The following IKBKB variants were observed in gnomAD, a reference collection of about 807,000 sequenced individuals.
IKBKB encodes the protein inhibitor of nuclear factor kappa-B kinase subunit beta.
Under a neutral mutation model 113.6 loss-of-function variants are expected in IKBKB, and 42 were observed. The observed-to-expected ratio is 0.37, with a 90% confidence interval of 0.29 to 0.48. The LOEUF (loss-of-function observed/expected upper bound fraction) is 0.48. IKBKB is among the 20% of genes least tolerant of loss of function. The probability of loss-of-function intolerance (pLI) is 0.99; values close to 1 mark genes in which losing one functional copy is unlikely to be tolerated. For missense variants in IKBKB, 673 were observed against 939.7 expected (o/e 0.72, Z 3.71); for synonymous variants, 296 against 361.3 (o/e 0.82, Z 2.05).
chr8:42,319,614 GA>G lies in IKBKB; in HGVS notation c.1549del (p.Met517TrpfsTer14). ...AGATAAACTGCTGCTGGCCTGGAGG[GA>G]AATGGAGCAGGCTGTGGAGCTCTGT... ...TSDKLLLAWR[E>X]MEQAVELCGR... On this transcript the variant is annotated frameshift_variant, in exon 15 of 22. Transcript: ENST00000520810. LOFTEE classifies it high-confidence loss of function. 6.3e-7 allele frequency: 1 copy of G among 1,596,212 alleles called. No homozygotes were observed. Among genetic ancestry groups the G allele is most frequent in the Admixed American group, 1.8e-5 (1 of 55,472 alleles).
chr8:42,294,248 G>A (rs1224920950), intron 5 of IKBKB, among the ~76,000 whole-genome samples: 1 of 152,202 alleles, frequency 6.6e-6, no homozygotes, highest in Non-Finnish European at 1.5e-5. Context: ...TTGACTCTTT[G>A]CCTCCAGATT....
At chr8:42,298,459 A>G (rs1203357369) in intron 5 of IKBKB, 4 of 985,342 alleles carry the variant, frequency 4.1e-6, no homozygotes, top group Non-Finnish European at 4.8e-6. Flanking sequence ...GCTTTGGGGA[A>G]GAGAGCTCCA....
chr8:42,320,950 C>G (rs1028268638), intron 16 of IKBKB, 106 bp downstream of exon 16: 5 of 608,108 alleles, frequency 8.2e-6, no homozygotes, highest in African/African-American at 1.9e-5. Context: ...GGACCATTCT[C>G]TAGAGCATGC....
intron 15 of IKBKB, chr8:42,319,937 G>A (rs1819451211): frequency 2.8e-6 from 1 of 352,808 alleles, no homozygotes; most frequent in Admixed American, 4.3e-5. Flanking sequence ...TTCCTGTTAG[G>A]AAGGGCATTG....
chr8:42,280,422 A>G (rs1319162005), intron 2 of IKBKB, among the ~76,000 whole-genome samples: 3 of 152,122 alleles, frequency 2.0e-5, no homozygotes, highest in Non-Finnish European at 4.4e-5. Context: ...GTTAAATACA[A>G]AGGAAGAGGA....
chr8:42,289,331 A>G (rs962907778), intron 3 of IKBKB, among the ~76,000 whole-genome samples: 10 of 152,252 alleles, frequency 6.6e-5, no homozygotes, highest in Non-Finnish European at 1.5e-4. Context: ...TAAAGTCCAC[A>G]CTGGGCCTTG....
chr8:42,304,480 C>G (rs1816095859), intron 5 of IKBKB, among the ~76,000 whole-genome samples: 1 of 152,188 alleles, frequency 6.6e-6, no homozygotes, highest in South Asian at 2.1e-4. Context: ...GTTGTGCAGT[C>G]TGCTTTCTTC....
chr8:42,329,433 A>G (rs528279190), intron 21 of IKBKB: 11 of 907,672 alleles, frequency 1.2e-5, no homozygotes, highest in Non-Finnish European at 1.4e-5. Context: ...AGTGATTCTC[A>G]TGCCTCAGCC....
At chr8:42,272,341 G>GA in intron 2 of IKBKB, 136 bp downstream of exon 2, 1 of 1,175,190 alleles carries the variant, frequency 8.5e-7, no homozygotes, top group South Asian at 1.3e-5. Context: ...GGGGGACTGG[G>GA]AAGAGGGCTT....
At chr8:42,293,257 T>TCTCCTC (rs533626590) in intron 4 of IKBKB, among the ~76,000 whole-genome samples, 186 bp from the exon 5 acceptor site, 1 of 151,794 alleles carries the variant, frequency 6.6e-6, no homozygotes, top group Non-Finnish European at 1.5e-5. Flanking sequence ...GCTTCCTCTT[T>TCTCCTC]CTCCTCCTCC....
intron 8 of IKBKB, 182 bp from the exon 9 acceptor site, chr8:42,314,140 T>C (rs934011182): frequency 1.6e-6 from 1 of 606,766 alleles, no homozygotes; most frequent in Non-Finnish European, 3.0e-6. Context: ...CGGAGCATGC[T>C]GTACAGGTTT....
chr8:42,319,215 A>G (rs1489125829), intron 13 of IKBKB, 55 bp from the exon 14 acceptor site: 1 of 1,555,240 alleles, frequency 6.4e-7, no homozygotes, highest in East Asian at 2.3e-5. Flanking sequence ...ATTGTACAGG[A>G]AATGGAATTT....
At position 42,316,152 on chromosome 8, in the gene IKBKB, CA is replaced by C; in HGVS notation, c.801-57del. 6.3e-7 allele frequency: 1 copy of C among 1,595,302 alleles called. No individual in the cohort carries two copies. The highest frequency in any genetic ancestry group is 1.1e-5 in the South Asian group (1 of 89,496). ...GTCTGTGTGTATACTGGGAGACGCA[CA>C]CTGTAGCCCAACATTGGCTGGAAGT... On this transcript the variant is annotated intron_variant, in intron 9 of 21. Transcript: ENST00000520810. This position sits in a 1 kb window ranked among gnomAD's most constrained non-coding sequence, Gnocchi z 4.5.
At chr8:42,293,978 C>A (rs1051698712) in intron 5 of IKBKB, among the ~76,000 whole-genome samples, 1 of 152,176 alleles carries the variant, frequency 6.6e-6, no homozygotes, top group Non-Finnish European at 1.5e-5. Flanking sequence ...ATCTGCGGCA[C>A]CCTCTGAGAA....
At chr8:42,310,077 G>T (rs776968473) in intron 8 of IKBKB, among the ~76,000 whole-genome samples, 2 of 152,122 alleles carry the variant, frequency 1.3e-5, no homozygotes, top group Non-Finnish European at 2.9e-5. Flanking sequence ...TTTAAATCAA[G>T]AACTGGGGGC....
intron 8 of IKBKB, among the ~76,000 whole-genome samples, chr8:42,310,035 C>T (rs1817409517): frequency 6.6e-6 from 1 of 152,088 alleles, no homozygotes; most frequent in African/African-American, 2.4e-5. Flanking sequence ...TCATGTTGTA[C>T]AGGATAAATA....
At chr8:42,275,176 A>ATT (rs1373466125) in intron 2 of IKBKB, among the ~76,000 whole-genome samples, 2 of 140,180 alleles carry the variant, frequency 1.4e-5, no homozygotes, top group African/African-American at 2.6e-5. Flanking sequence ...TGTGCCTGGC[A>ATT]TTTTTTTTTT....
chr8:42,303,054 C>A (rs1815615288), intron 5 of IKBKB, among the ~76,000 whole-genome samples: 1 of 116,230 alleles, frequency 8.6e-6, no homozygotes, highest in Non-Finnish European at 1.7e-5. Context: ...CCCGGCTTGC[C>A]GAGAGGGAGA....
At chr8:42,330,787 C>T in intron 21 of IKBKB, 127 bp from the exon 22 acceptor site, 1 of 1,517,872 alleles carries the variant, frequency 6.6e-7, no homozygotes, top group Non-Finnish European at 8.9e-7. Context: ...GGATTATAGG[C>T]ATGAGCCACT....
Sources: gnomAD v4.1 joint callset for allele counts (sites outside exome capture counted in the v4.1 genomes callset) on GRCh38, gnomAD v4.1.1 for gene constraint, Gnocchi (gnomAD v3.1) non-coding constraint, MANE v1.5 for transcripts, NCBI Gene and HGNC (gene_info 2026-07-23, HGNC 2026-07-21) for gene names.